Variants in CCDC15 observed in about 807,000 individuals in gnomAD.
CCDC15 encodes the protein coiled-coil domain-containing protein 15.
CCDC15 carries 105 observed loss-of-function variants against 114.5 expected under a neutral mutation model. The ratio of observed to expected loss-of-function variants is 0.92; its 90% CI spans 0.78 to 1.08. The LOEUF is 1.08. CCDC15 is among the 50% of genes least tolerant of loss of function. CCDC15 has a pLI of 0.00. For missense variants in CCDC15, 1,105 were observed against 1,093.6 expected, an observed-to-expected ratio of 1.01 and a Z score of -0.15; for synonymous variants, 334 against 377.8, an observed-to-expected ratio of 0.88 and a Z score of 1.34.
intron 13 of CCDC15, among the ~76,000 whole-genome samples, chr11:125,033,717 A>C (rs1948756911): frequency 1.8e-5 from 1 of 55,306 alleles, no homozygotes; most frequent in Non-Finnish European, 3.5e-5. Flanking sequence ...GCCATCTTTT[A>C]AAAAGCTATA....
At chr11:124,980,793 T>G (rs967465424) in intron 6 of CCDC15, among the ~76,000 whole-genome samples, 2 of 152,224 alleles carry the variant, frequency 1.3e-5, no homozygotes, top group Non-Finnish European at 2.9e-5. Context: ...TTAGTTCATG[T>G]CTTCTGCTAG....
intron 6 of CCDC15, among the ~76,000 whole-genome samples, chr11:124,982,758 G>A (rs1039608325): frequency 1.3e-5 from 2 of 152,160 alleles, no homozygotes; most frequent in East Asian, 3.8e-4. Context: ...TCTAAGAACT[G>A]TGTGGTTGGG....
At chr11:125,021,847 C>T (rs977381186) in intron 13 of CCDC15, among the ~76,000 whole-genome samples, 1 of 151,922 alleles carries the variant, frequency 6.6e-6, no homozygotes, top group Non-Finnish European at 1.5e-5. Context: ...AGAATTACAC[C>T]AGTAACTAAG....
intron 15 of CCDC15, 89 bp from the exon 16 acceptor site, chr11:125,040,501 T>C: frequency 8.4e-7 from 1 of 1,190,138 alleles, no homozygotes; most frequent in Non-Finnish European, 1.2e-6. Flanking sequence ...GTAAGACTCT[T>C]GGTAGAGAAG....
intron 11 of CCDC15, among the ~76,000 whole-genome samples, chr11:125,002,664 A>G (rs567856640): frequency 2.0e-5 from 3 of 152,220 alleles, no homozygotes; most frequent in African/African-American, 7.2e-5. Context: ...TTATTTTTCA[A>G]TTGAATTGTC....
chr11:125,034,224 G>A (rs4936973), intron 13 of CCDC15, among the ~76,000 whole-genome samples: 30,899 of 151,942 alleles, frequency 0.2, 3,741 homozygotes, highest in African/African-American at 0.34. Flanking sequence ...TGTTTCTTCC[G>A]GCAAAAAAAA....
chr11:125,020,495 C>T (rs1490661013), intron 13 of CCDC15, among the ~76,000 whole-genome samples: 1 of 151,900 alleles, frequency 6.6e-6, no homozygotes, highest in East Asian at 1.9e-4. Context: ...TTTCAGAATT[C>T]TCTTTGAAAT....
chr11:124,954,724 G>T lies in CCDC15; in HGVS notation c.-9G>T, dbSNP rs1417183537. On this transcript the variant is annotated splice_region_variant and 5_prime_UTR_variant, in exon 2 of 16. Coordinates refer to ENST00000344762, the MANE Select transcript of CCDC15 (RefSeq NM_025004.3). ...TAAGCTTTTTCTTTCTCCTAATCAG[G>T]AGTCACAGATGCTGGGAAGTATGGC... is the stretch of plus-strand genomic sequence containing the variant. 4.3e-6 allele frequency: 7 copies of T among 1,613,386 alleles called. No homozygotes were observed. The highest frequency in any genetic ancestry group is 5.9e-6 in the Non-Finnish European group (7 of 1,179,558).
rs193100586 is a variant in CCDC15, at chr11:124,997,891, G to A, written c.2214+4648G>A. On this transcript the variant is annotated intron_variant, in intron 11 of 15. Coordinates refer to ENST00000344762, the MANE Select transcript of CCDC15 (RefSeq NM_025004.3). ...CAGGAGGCAGAGGTTGCAGTGAGCCGAGATCGCACCACTACACTCCAGCCT... is the reference window on the plus strand; with the variant it reads ...CAGGAGGCAGAGGTTGCAGTGAGCCAAGATCGCACCACTACACTCCAGCCT... Among the ~76,000 whole-genome samples, 68 of 152,216 alleles carry A rather than the reference G, an allele frequency of 4.5e-4. 1 individual carries two copies. The highest frequency in any genetic ancestry group is 2.4e-4 in the African/African-American group (10 of 41,536).
chr11:124,986,982 TA>T, intron 7 of CCDC15, 94 bp downstream of exon 7: 2 of 1,398,136 alleles, frequency 1.4e-6, no homozygotes. Flanking sequence ...TAGCTTTTGT[TA>T]AGTTGGACAA....
intron 13 of CCDC15, among the ~76,000 whole-genome samples, chr11:125,019,185 A>C (rs1948646989): frequency 6.6e-6 from 1 of 151,848 alleles, no homozygotes; most frequent in Non-Finnish European, 1.5e-5. Context: ...TATAGAGAGA[A>C]GAGAGGTGAA....
chr11:125,006,198 C>T (rs2135519006), intron 13 of CCDC15, among the ~76,000 whole-genome samples: 1 of 152,228 alleles, frequency 6.6e-6, no homozygotes, highest in East Asian at 1.9e-4. Flanking sequence ...AGTGAGGGTT[C>T]CTGTTGCTTG....
Position 124,987,853 on chromosome 11 carries a change from G to C in CCDC15, c.1627G>C (p.Asp543His). ...LPKDQDFLSR[D>H]QHVLPKDWNI... ...TAAAGACCAGGACTTTTTATCTAGA[G>C]ACCAGCATGTTCTCCCCAAAGACTG... Residue 543 changes from aspartate to histidine, a missense_variant, in exon 8 of 16, where the codon GAC becomes CAC. Asp to His is a moderately conservative substitution (Grantham distance 81, BLOSUM62 -1). Transcript: ENST00000344762. 1 of 1,613,996 alleles carries C rather than the reference G, an allele frequency of 6.2e-7. No homozygotes were observed. Among genetic ancestry groups the C allele is most frequent in the African/African-American group, 1.3e-5 (1 of 75,044 alleles).
chr11:125,016,168 C>T (rs972661727), intron 13 of CCDC15, among the ~76,000 whole-genome samples: 3 of 152,144 alleles, frequency 2.0e-5, no homozygotes, highest in Non-Finnish European at 4.4e-5. Context: ...GGGCCCCTTG[C>T]TGCTGAATAT....
chr11:124,994,322 G>T (rs774281022), intron 11 of CCDC15, among the ~76,000 whole-genome samples: 15 of 152,034 alleles, frequency 9.9e-5, no homozygotes, highest in African/African-American at 1.4e-4. Context: ...CAAGATTATA[G>T]GTACCTACTA....
chr11:124,999,231 G>A (rs1414865324), intron 11 of CCDC15, among the ~76,000 whole-genome samples: 1 of 152,060 alleles, frequency 6.6e-6, no homozygotes, highest in African/African-American at 2.4e-5. Flanking sequence ...TAATTATGAT[G>A]TGTCTGGGCA....
At chr11:124,955,988 A>G (rs1016040917) in intron 2 of CCDC15, among the ~76,000 whole-genome samples, 3 of 152,178 alleles carry the variant, frequency 2.0e-5, no homozygotes, top group African/African-American at 7.2e-5. Flanking sequence ...TGATTCTCCT[A>G]TTAAGGAGAA....
chr11:124,991,245 G>A (rs981313494), intron 8 of CCDC15, among the ~76,000 whole-genome samples: 2 of 152,110 alleles, frequency 1.3e-5, no homozygotes, highest in African/African-American at 4.8e-5. Flanking sequence ...AGACCAACAG[G>A]AACTGAATTG....
chr11:125,025,989 C>G (rs1393690705), intron 13 of CCDC15, among the ~76,000 whole-genome samples: 3 of 151,668 alleles, frequency 2.0e-5, no homozygotes, highest in Admixed American at 6.6e-5. Flanking sequence ...TTCCTTTTCT[C>G]TCCTCTCCTC....
Sources: allele counts gnomAD v4.1 joint callset (sites outside exome capture counted in the v4.1 genomes callset), GRCh38; gene constraint gnomAD v4.1.1; transcripts MANE v1.5; gene names NCBI Gene and HGNC (gene_info 2026-07-23, HGNC 2026-07-21).